The following DCST1 variants were observed in gnomAD, a reference collection of about 807,000 sequenced individuals.
DCST1 encodes DC-STAMP domain containing 1, also known as E3 ubiquitin-protein ligase DCST1.
Under a neutral mutation model 89.1 loss-of-function variants are expected in DCST1, and 78 were observed. The observed-to-expected ratio is 0.88, with a 90% CI of 0.73 to 1.06. The LOEUF (loss-of-function observed/expected upper bound fraction) is 1.06, where lower values mean the gene tolerates loss of function less well. Among genes scored for constraint, DCST1 ranks in the 50% least tolerant of loss-of-function variants. The pLI, the probability that DCST1 is intolerant of heterozygous loss-of-function variation, is 0.00. For synonymous variants in DCST1, 364 were observed against 371.9 expected (o/e 0.98, Z 0.24); for missense variants, 900 against 928.6 (o/e 0.97, Z 0.40).
chr1:155,048,769 T>C (rs1048876092), intron 16 of DCST1, among the ~76,000 whole-genome samples: 8 of 149,714 alleles, frequency 5.3e-5, no homozygotes, highest in African/African-American at 2.0e-4. Context: ...AGTCTGCTCA[T>C]AGAAAAGCAA....
At chr1:155,040,660 C>T in intron 6 of DCST1, 36 bp downstream of exon 6, 5 of 1,524,584 alleles carry the variant, frequency 3.3e-6, no homozygotes, top group Non-Finnish European at 4.4e-6. Flanking sequence ...TGGGGGGTCC[C>T]TCTCCCTGGG....
At chr1:155,037,534 C>T (rs966208544) in intron 4 of DCST1, among the ~76,000 whole-genome samples, 7 of 151,722 alleles carry the variant, frequency 4.6e-5, no homozygotes, top group Non-Finnish European at 8.8e-5. Context: ...ATCTCCGCCT[C>T]CCGGGTTCAA....
Position 155,044,549 on chromosome 1 carries a change from G to A in DCST1, c.1172+1040G>A, listed in dbSNP as rs78386275. 5.9e-3 allele frequency among the ~76,000 whole-genome samples: 894 copies of A among 151,258 alleles called. 9 individuals are homozygous for A. The highest frequency in any genetic ancestry group is 0.021 in the African/African-American group (858 of 41,170). On this transcript the variant is annotated intron_variant, in intron 10 of 16. Transcript: ENST00000295542. ...CATGAGACACCCACAAGACAGAGAT[G>A]GTTCAAGGGCCATTCTATGGATTGG...
rs553095530 is a variant in DCST1 at position 155,042,719 on chromosome 1, G to A, written c.893-16G>A. The A allele has an allele frequency of 2.7e-5, 43 of 1,614,004 alleles. No homozygotes were observed. Among genetic ancestry groups the A allele is most frequent in the African/African-American group, 2.1e-4 (16 of 75,040 alleles). On this transcript the variant is annotated splice_polypyrimidine_tract_variant and intron_variant, in intron 8 of 16. Transcript: ENST00000295542. ...CAGGCCCGGGGAGGCCCCTGACCCC[G>A]TCCACTGTTCACCAGTGATGGAGGT...
chr1:155,038,352 C>T (rs148430477), intron 4 of DCST1, among the ~76,000 whole-genome samples: 2 of 152,266 alleles, frequency 1.3e-5, no homozygotes, highest in African/African-American at 4.8e-5. Context: ...AGAAAGCCAC[C>T]GAATGGTTTG....
chr1:155,045,798 T>C (rs1239573217), intron 10 of DCST1, 95 bp from the exon 11 acceptor site: 11 of 1,011,236 alleles, frequency 1.1e-5, no homozygotes, highest in Non-Finnish European at 1.7e-5. Context: ...TGCTGGCTGG[T>C]TGGTTGAATG....
intron 4 of DCST1, among the ~76,000 whole-genome samples, chr1:155,037,144 G>A (rs888103694): frequency 2.0e-4 from 31 of 152,254 alleles, no homozygotes; most frequent in Non-Finnish European, 2.4e-4. Flanking sequence ...TGCCAACATC[G>A]TCCAGGGGAG....
intron 16 of DCST1, among the ~76,000 whole-genome samples, chr1:155,049,743 A>G (rs1660815341): frequency 6.6e-6 from 1 of 152,198 alleles, no homozygotes. Flanking sequence ...CCCAGCCCCC[A>G]TGACACACAA....
intron 4 of DCST1, chr1:155,035,052 A>T: frequency 5.2e-6 from 1 of 193,066 alleles, no homozygotes; most frequent in Non-Finnish European, 8.8e-6. Context: ...AAGAAATTAA[A>T]TTCATTCATT....
intron 16 of DCST1, chr1:155,049,202 T>G (rs1482939558): frequency 1.6e-6 from 1 of 620,422 alleles, no homozygotes; most frequent in Non-Finnish European, 3.0e-6. Flanking sequence ...CCTGGGCTTT[T>G]GCCTTCCATA....
intron 10 of DCST1, among the ~76,000 whole-genome samples, chr1:155,043,836 T>G (rs1297061007): frequency 2.3e-4 from 35 of 152,196 alleles, no homozygotes; most frequent in Admixed American, 2.3e-3. Flanking sequence ...TGGCTCTGAC[T>G]TTGTGCCATT....
intron 13 of DCST1, 39 bp from the exon 14 acceptor site, chr1:155,047,157 C>T (rs1660674606): frequency 6.5e-7 from 1 of 1,536,670 alleles, no homozygotes; most frequent in African/African-American, 1.4e-5. Context: ...CTGATTTCTC[C>T]ACCTGCCCTG....
chr1:155,039,809 G>A (rs1317118205), intron 5 of DCST1, among the ~76,000 whole-genome samples: 3 of 151,138 alleles, frequency 2.0e-5, no homozygotes, highest in Non-Finnish European at 4.4e-5. Context: ...GACCAGCCAT[G>A]GTGAAACCCC....
Position 155,050,769 on chromosome 1 carries a change from G to T in DCST1, c.2022G>T (p.Trp674Cys), listed in dbSNP as rs775400440. The T allele has an allele frequency of 5.0e-6, 8 of 1,611,750 alleles. No individual in the cohort carries two copies. Among genetic ancestry groups the T allele is most frequent in the Non-Finnish European group, 5.1e-6 (6 of 1,179,162 alleles). ...AGGCCGTGTACTGCTGGTCGTGCTG[G>T]GACGACATGCGGCAGCGGTGCCCGG... is the stretch of plus-strand genomic sequence containing the variant. ...DCEAVYCWSC[W>C]DDMRQRCPVC... Residue 674 changes from tryptophan (W) to cysteine (C), a missense_variant, in exon 17 of 17, where the codon TGG (tryptophan) becomes TGT (cysteine). Coordinates refer to ENST00000295542, the MANE Select transcript of DCST1 (RefSeq NM_152494.4).
At chr1:155,035,164 G>C (rs891337794) in intron 4 of DCST1, 3 of 189,596 alleles carry the variant, frequency 1.6e-5, no homozygotes, top group African/African-American at 2.4e-5. Flanking sequence ...TTGTTTGTAT[G>C]TTTTTGTTTT....
At chr1:155,038,985 A>G (rs1306605449) in intron 4 of DCST1, among the ~76,000 whole-genome samples, 1 of 152,178 alleles carries the variant, frequency 6.6e-6, no homozygotes, top group African/African-American at 2.4e-5. Flanking sequence ...GAGTACTGGG[A>G]GTACTGAGGT....
At chr1:155,040,339 G>A in intron 5 of DCST1, 146 bp from the exon 6 acceptor site, 2 of 693,182 alleles carry the variant, frequency 2.9e-6, no homozygotes, top group Non-Finnish European at 4.3e-6. Flanking sequence ...AAAAATCAAA[G>A]GTTGAACAAG....
intron 3 of DCST1, 23 bp from the exon 4 acceptor site, chr1:155,034,630 T>A: frequency 6.2e-7 from 1 of 1,614,174 alleles, no homozygotes; most frequent in East Asian, 2.2e-5. Context: ...CTTTTGGCCT[T>A]TGGCTTGACC....
intron 5 of DCST1, 62 bp downstream of exon 5, chr1:155,039,593 G>A: frequency 6.8e-7 from 1 of 1,465,914 alleles, no homozygotes. Flanking sequence ...TCATCCAATG[G>A]GAGCCAGGCC....
Sources: allele counts gnomAD v4.1 joint callset (sites outside exome capture counted in the v4.1 genomes callset), GRCh38; gene constraint gnomAD v4.1.1; transcripts MANE v1.5; gene names NCBI Gene and HGNC (gene_info 2026-07-23, HGNC 2026-07-21).